Variants in STRN4 observed in about 807,000 individuals in gnomAD.
STRN4 encodes striatin-4.
STRN4 carries 27 observed loss-of-function variants against 77.9 expected under a neutral mutation model. That is an observed-to-expected ratio of 0.35 (90% CI 0.26 to 0.48). The LOEUF is 0.48. Among genes scored for constraint, STRN4 ranks in the 20% least tolerant of loss-of-function variants. The pLI is 0.99. For missense variants in STRN4, 798 were observed against 1,049.7 expected, an observed-to-expected ratio of 0.76 and a Z score of 3.31; for synonymous variants, 466 against 443.1, an observed-to-expected ratio of 1.05 and a Z score of -0.65.
chr19:46,729,154 A>G (rs1465199184), intron 6 of STRN4, among the ~76,000 whole-genome samples: 1 of 152,248 alleles, frequency 6.6e-6, no homozygotes, highest in Non-Finnish European at 1.5e-5. Flanking sequence ...AATGGACCAC[A>G]GCATTGCAGC....
At position 46,738,143 on chromosome 19, in the gene STRN4, C is replaced by A; in HGVS notation, c.460+21G>T. 6.2e-7 allele frequency: 1 copy of A among 1,612,490 alleles called. No homozygotes were observed. The highest frequency in any genetic ancestry group is 8.5e-7 in the Non-Finnish European group (1 of 1,178,482). ...CTTCTGCGGGAGGGTGCCGACAGTG[C>A]GAGCATCAGAGGGTGGGTACCTTGT... On this transcript the variant is annotated intron_variant, in intron 3 of 17. Coordinates refer to ENST00000263280, the MANE Select transcript of STRN4 (RefSeq NM_013403.3). The surrounding 1 kb of genome is among the most constrained non-coding windows in gnomAD (Gnocchi z 4.5).
chr19:46,743,896 C>T (rs2054519700), intron 1 of STRN4, among the ~76,000 whole-genome samples: 1 of 151,622 alleles, frequency 6.6e-6, no homozygotes, highest in Non-Finnish European at 1.5e-5. Flanking sequence ...GAGTGAGACT[C>T]TGTCTCAAAA....
chr19:46,724,663 T>C, intron 12 of STRN4, 144 bp downstream of exon 12: 1 of 1,299,910 alleles, frequency 7.7e-7, no homozygotes, highest in Non-Finnish European at 1.1e-6. Context: ...ATCGCGCTGC[T>C]CACAACAGAG....
chr19:46,720,251 C>G lies in STRN4; in HGVS notation c.*154G>C. ...GGAAGGCAGCCGTTGGGGAGGGATTCCTGGGGAAAGGGCCGTTAGCACCAC... is the reference window on the plus strand; with the variant it reads ...GGAAGGCAGCCGTTGGGGAGGGATTGCTGGGGAAAGGGCCGTTAGCACCAC... On this transcript the variant is annotated 3_prime_UTR_variant, in exon 18 of 18. Coordinates refer to ENST00000263280, the MANE Select transcript of STRN4 (RefSeq NM_013403.3). The G allele has an allele frequency of 5.0e-6, 1 of 199,884 alleles. No homozygotes were observed. Among genetic ancestry groups the G allele is most frequent in the Non-Finnish European group, 1.0e-5 (1 of 99,354 alleles). The allele number at this position is 199,884 out of a possible 1,614,324, so 12.4% of individuals were successfully genotyped here.
At chr19:46,740,097 GCCAACATGGTGAAACC>G (rs1275155142) in intron 1 of STRN4, 1 of 152,184 alleles carries the variant, frequency 6.6e-6, no homozygotes, top group Non-Finnish European at 1.5e-5. Context: ...GACCAGCCTG[GCCAACATGGTGAAACC>G]CCATCTCTAC....
rs1440685659 is a variant in STRN4 at position 46,728,670 on chromosome 19, T to C, written c.987A>G (p.Glu329=). 2 of 1,614,122 alleles carry C rather than the reference T, an allele frequency of 1.2e-6. No individual in the cohort carries two copies. The highest frequency in any genetic ancestry group is 1.7e-6 in the Non-Finnish European group (2 of 1,179,980). ...TGCACCGCCGAGGGTCTGGAGCCCCTTCCCCATCCTCTCCTGAGCCCAGGA... is the reference window on the plus strand; with the variant it reads ...TGCACCGCCGAGGGTCTGGAGCCCCCTCCCCATCCTCTCCTGAGCCCAGGA... The part of the protein sequence containing the change: ...FDFLGSGEDG[E]GAPDPRRCTV... Residue 329 remains glutamate, a synonymous_variant, in exon 7 of 18, where the codon GAA becomes GAG. Coordinates refer to ENST00000263280, the MANE Select transcript of STRN4 (RefSeq NM_013403.3).
chr19:46,732,845 G>C, intron 5 of STRN4, 194 bp downstream of exon 5: 1 of 655,822 alleles, frequency 1.5e-6, no homozygotes, highest in Non-Finnish European at 2.6e-6. Context: ...GAAGTGTGTG[G>C]AGGGAACCCA....
chr19:46,733,392 A>C lies in STRN4; in HGVS notation c.540-156T>G. ...ACCCTCGCTCCAGCAGTTCCCCGTC[A>C]AGGCTATTTCCAGTGGAAGCCCTTG... On this transcript the variant is annotated intron_variant, in intron 4 of 17. Transcript: ENST00000263280. This position sits in a 1 kb window ranked among gnomAD's most constrained non-coding sequence, Gnocchi z 4.3. The C allele has an allele frequency of 1.5e-6, 1 of 676,544 alleles. No homozygotes were observed. The highest frequency in any genetic ancestry group is 1.8e-5 in the African/African-American group (1 of 55,884). 41.9% of individuals were successfully genotyped at this position (676,544 alleles called of 1,614,324 possible).
At chr19:46,730,946 C>A (rs2054236932) in intron 5 of STRN4, 73 bp from the exon 6 acceptor site, 3 of 1,582,516 alleles carry the variant, frequency 1.9e-6, no homozygotes, top group Admixed American at 3.4e-5. Flanking sequence ...AGGTGCCCTC[C>A]CAGGCTTGGT....
At position 46,727,998 on chromosome 19, in the gene STRN4, C is replaced by T. The variant is rs199556043; in HGVS notation, c.1049G>A (p.Arg350Gln). Residue 350 changes from arginine (R) to glutamine (Q), a missense_variant, in exon 8 of 18, where the codon CGG (arginine) becomes CAG (glutamine). Coordinates refer to ENST00000263280, the MANE Select transcript of STRN4 (RefSeq NM_013403.3). The part of the protein sequence containing the change: ...DGSPHELESR[R>Q]VKLQGILADL... The stretch of plus-strand genomic sequence containing the variant: ...AGCCAGAATGCCTTGGAGTTTGACC[C>T]GACGGCTTTCTGCAGGGTCGAGGCA... 28 of 1,613,778 alleles carry T rather than the reference C, an allele frequency of 1.7e-5. No individual in the cohort carries two copies. The highest frequency in any genetic ancestry group is 8.3e-5 in the Admixed American group (5 of 59,982).
intron 6 of STRN4, 102 bp downstream of exon 6, chr19:46,730,630 G>T: frequency 6.6e-7 from 1 of 1,524,890 alleles, no homozygotes; most frequent in African/African-American, 1.4e-5. Flanking sequence ...TATCCCTGCT[G>T]CCAGCACACA....
rs192484955 is a variant in STRN4 at position 46,728,413 on chromosome 19, G to A, written c.1039+205C>T. 1.7e-4 allele frequency: 121 copies of A among 697,204 alleles called. 1 individual carries two copies. In the African/African-American group the frequency reaches 2.0e-3, roughly 11 times the overall value. The allele number at this position is 697,204 out of a possible 1,614,324, so 43.2% of individuals were successfully genotyped here. ...TTCAGGAAGAGCCAGGACTGCCTGC[G>A]TCTCCATGGGGATTTTCCAGGGAAG... On this transcript the variant is annotated intron_variant, in intron 7 of 17. Transcript: ENST00000263280.
intron 4 of STRN4, 87 bp downstream of exon 4, chr19:46,736,736 G>A (rs954900916): frequency 5.3e-6 from 7 of 1,329,260 alleles, no homozygotes; most frequent in Non-Finnish European, 7.4e-6. Context: ...CCCCAGTGGG[G>A]ACGGAAAAGG....
chr19:46,723,228 C>T lies in STRN4; in HGVS notation c.1651G>A (p.Ala551Thr). The change falls in exon 13 of 18, where the codon GCC becomes ACC. Residue 551 changes from alanine to threonine, a missense_variant. Ala to Thr is a moderately conservative substitution (Grantham distance 58). This residue lies in a region of STRN4 where 287 missense variants were observed against 473.8 expected (regional missense o/e 0.61). Coordinates refer to ENST00000263280, the MANE Select transcript of STRN4 (RefSeq NM_013403.3). This position sits in a 1 kb window ranked among gnomAD's most constrained non-coding sequence, Gnocchi z 5.5. Reference protein sequence around the residue: ...EGHGDAVWGLAFSPTSQRLAS... With the variant: ...EGHGDAVWGLTFSPTSQRLAS... ...AGGCGCTGGGAGGTGGGACTGAAGG[C>T]CAGGCCCCACACGGCGTCCCCGTGG... 1 of 1,552,578 alleles carries T rather than the reference C, an allele frequency of 6.4e-7. No individual in the cohort carries two copies. The highest frequency in any genetic ancestry group is 8.7e-7 in the Non-Finnish European group (1 of 1,148,756).
In STRN4 at chr19:46,720,647, G is replaced by A. The variant is rs913453410; in HGVS notation, c.2217C>T (p.Leu739=). 1.2e-6 allele frequency: 2 copies of A among 1,608,618 alleles called. No individual in the cohort carries two copies. Residue 739 remains leucine, a synonymous_variant, in exon 17 of 18, where the codon CTC becomes CTT. Transcript: ENST00000263280. The stretch of plus-strand genomic sequence containing the variant: ...GGGCATCAGCGCCAGCACTGGCAAT[G>A]AGGGCCTTGCTGGGGTGGCAGGCAA... ...HAVACHPSKA[L]IASAGADALA... is the part of the protein sequence containing the mutation.
chr19:46,737,402 A>G (rs748549696), intron 3 of STRN4, among the ~76,000 whole-genome samples: 16 of 152,230 alleles, frequency 1.1e-4, no homozygotes, highest in Non-Finnish European at 8.8e-5. Flanking sequence ...CCTGGGCTAC[A>G]TGGGTAAACA....
rs778048045 is a variant in STRN4 at position 46,723,098 on chromosome 19, C to T, written c.1765+16G>A. On this transcript the variant is annotated intron_variant, in intron 13 of 17. Transcript: ENST00000263280. This position sits in a 1 kb window ranked among gnomAD's most constrained non-coding sequence, Gnocchi z 5.5. ...CCCGCACAGCTCCAGGGTGAGGCAC[C>T]GGGGCCCCCACTCACCGCTGGCTGT... 92 of 1,558,712 alleles carry T rather than the reference C, an allele frequency of 5.9e-5. No individual in the cohort carries two copies. The Middle Eastern group carries it at 1.0e-3, about 17-fold the overall frequency.
intron 7 of STRN4, 106 bp downstream of exon 7, chr19:46,728,512 T>G (rs1158998503): frequency 3.8e-5 from 53 of 1,406,324 alleles, no homozygotes; most frequent in Non-Finnish European, 4.6e-5. Context: ...AACATATCCG[T>G]CCGGTAGAGA....
At chr19:46,744,608 C>T (rs2054539975) in intron 1 of STRN4, among the ~76,000 whole-genome samples, 2 of 152,098 alleles carry the variant, frequency 1.3e-5, no homozygotes, top group African/African-American at 4.8e-5. Flanking sequence ...TGGCCTCGAA[C>T]TCCTGGGCTC....
Sources: allele counts gnomAD v4.1 joint callset (sites outside exome capture counted in the v4.1 genomes callset), GRCh38; gene constraint gnomAD v4.1.1; regional missense constraint gnomAD v4.1.1; non-coding constraint Gnocchi (gnomAD v3.1); transcripts MANE v1.5; gene names NCBI Gene and HGNC (gene_info 2026-07-23, HGNC 2026-07-21).